Variants in LGSN observed in about 807,000 individuals in gnomAD.
LGSN encodes the protein lengsin, lens protein with glutamine synthetase domain.
In LGSN, 21 loss-of-function variants were observed where a neutral mutation model predicts 19.5. The observed-to-expected ratio is 1.07, with a 90% CI of 0.76 to 1.55. LGSN has a LOEUF of 1.55. Among genes scored for constraint, LGSN ranks in the 40% most tolerant of loss-of-function variants. LGSN has a pLI of 0.00. For synonymous variants in LGSN, 257 were observed against 215.6 expected (o/e 1.19, Z -1.68); for missense variants, 673 against 608.5 (o/e 1.11, Z -1.12).
At chr6:63,542,139 G>C in the LGSN span, among the ~76,000 whole-genome samples, 1 of 151,654 alleles carries the variant, frequency 6.6e-6, no homozygotes, top group South Asian at 2.1e-4. Context: ...GGATGACATT[G>C]GAGAATACTA....
At chr6:63,389,600 T>C in the LGSN span, among the ~76,000 whole-genome samples, 1 of 152,234 alleles carries the variant, frequency 6.6e-6, no homozygotes, top group South Asian at 2.1e-4. Context: ...TGGTCCTGTG[T>C]AGTTTCACTT....
intron 1 of LGSN, among the ~76,000 whole-genome samples, chr6:63,298,194 C>A (rs1768052984): frequency 6.6e-6 from 1 of 152,194 alleles, no homozygotes; most frequent in African/African-American, 2.4e-5. Context: ...AAGCAAGGTA[C>A]ACCAGCTCCA....
At chr6:63,515,225 G>T in the LGSN span, among the ~76,000 whole-genome samples, 2 of 36,774 alleles carry the variant, frequency 5.4e-5, no homozygotes, top group South Asian at 7.7e-4. Context: ...TTTTTTGTTT[G>T]TTTGTTTGTT....
the LGSN span, among the ~76,000 whole-genome samples, chr6:63,378,850 A>G: frequency 6.6e-6 from 1 of 152,186 alleles, no homozygotes; most frequent in African/African-American, 2.4e-5. Context: ...TCAACATGTG[A>G]TTTGGGGGAC....
the LGSN span, among the ~76,000 whole-genome samples, chr6:63,543,717 C>A: frequency 0.069 from 10,555 of 152,200 alleles, 479 homozygotes; most frequent in Non-Finnish European, 0.11. Flanking sequence ...TACTGAAAGA[C>A]CTGGGGCAAA....
the LGSN span, among the ~76,000 whole-genome samples, chr6:63,431,834 A>C: frequency 6.6e-6 from 1 of 151,782 alleles, no homozygotes; most frequent in Non-Finnish European, 1.5e-5. Flanking sequence ...TGGGAGGCTG[A>C]GGCAGGCGAA....
the LGSN span, among the ~76,000 whole-genome samples, chr6:63,485,521 G>A: frequency 2.0e-5 from 3 of 152,058 alleles, no homozygotes; most frequent in Non-Finnish European, 4.4e-5. Flanking sequence ...TTTATAATAA[G>A]CAATTTATAT....
rs1767139544 is a variant in LGSN at position 63,277,737 on chromosome 6, A to C, written c.*2284T>G. 6.6e-6 allele frequency: 1 copy of C among 152,436 alleles called. No individual in the cohort carries two copies. Among genetic ancestry groups the C allele is most frequent in the Admixed American group, 6.5e-5 (1 of 15,270 alleles). The allele number at this position is 152,436 out of a possible 1,614,324, so 9.4% of individuals were successfully genotyped here. On this transcript the variant is annotated 3_prime_UTR_variant, in exon 4 of 4. Transcript: ENST00000370657. ...GTAGGCCACTCAGCAGGAAGGGTGA[A>C]GGCAGCAAGAGAAAGAAAGGGCAGA...
the LGSN span, among the ~76,000 whole-genome samples, chr6:63,487,624 G>A: frequency 6.6e-6 from 1 of 152,158 alleles, no homozygotes; most frequent in Non-Finnish European, 1.5e-5. Context: ...GTATAATAAT[G>A]AACACAGACG....
chr6:63,350,416 A>G, the LGSN span, among the ~76,000 whole-genome samples: 2 of 152,264 alleles, frequency 1.3e-5, no homozygotes, highest in Non-Finnish European at 2.9e-5. Flanking sequence ...AGTCATAGTT[A>G]TTTGTCTGCA....
chr6:63,405,578 G>A, the LGSN span, among the ~76,000 whole-genome samples: 6 of 151,792 alleles, frequency 4.0e-5, no homozygotes, highest in African/African-American at 1.5e-4. Flanking sequence ...ATTTTTTCAT[G>A]TGTTTTTTGG....
At chr6:63,399,647 C>A in the LGSN span, among the ~76,000 whole-genome samples, 28 of 151,910 alleles carry the variant, frequency 1.8e-4, no homozygotes, top group South Asian at 5.8e-3. Flanking sequence ...CCACCCGCCT[C>A]GGCCTCCCAA....
the LGSN span, among the ~76,000 whole-genome samples, chr6:63,474,604 ATC>A: frequency 1.9e-5 from 2 of 108,038 alleles, no homozygotes; most frequent in Non-Finnish European, 4.2e-5. Flanking sequence ...GCAAGACTCC[ATC>A]TCAAAAAAAA....
At chr6:63,413,670 C>T in the LGSN span, among the ~76,000 whole-genome samples, 1 of 152,134 alleles carries the variant, frequency 6.6e-6, no homozygotes, top group African/African-American at 2.4e-5. Flanking sequence ...ATATGTATTG[C>T]ACAAAGGTTG....
the LGSN span, among the ~76,000 whole-genome samples, chr6:63,442,075 T>C: frequency 1.3e-5 from 2 of 152,340 alleles, no homozygotes; most frequent in Admixed American, 6.5e-5. Context: ...CGCAGACCTT[T>C]GCTGTGAGTG....
the LGSN span, among the ~76,000 whole-genome samples, chr6:63,397,557 T>C: frequency 2.0e-5 from 3 of 151,778 alleles, no homozygotes; most frequent in Non-Finnish European, 4.4e-5. Context: ...AAGCGGGCTA[T>C]GATTTTGACA....
At chr6:63,505,621 G>GAAATAAATAAATAAAT in the LGSN span, among the ~76,000 whole-genome samples, 11 of 97,912 alleles carry the variant, frequency 1.1e-4, 2 homozygotes, top group African/African-American at 4.0e-4. Context: ...AAGAAAGAAA[G>GAAATAAATAAATAAAT]AAAGAAAGAA....
chr6:63,428,412 C>T, the LGSN span, among the ~76,000 whole-genome samples: 2 of 152,214 alleles, frequency 1.3e-5, no homozygotes, highest in African/African-American at 4.8e-5. Context: ...AGTGCCATGG[C>T]GCGATCTTGG....
At chr6:63,424,782 C>T in the LGSN span, among the ~76,000 whole-genome samples, 127 of 152,054 alleles carry the variant, frequency 8.4e-4, no homozygotes, top group African/African-American at 2.1e-3. Flanking sequence ...CATGGTGCTG[C>T]GTGCCTGTAG....
Sources: gnomAD v4.1 joint callset for allele counts (sites outside exome capture counted in the v4.1 genomes callset) on GRCh38, gnomAD v4.1.1 for gene constraint, MANE v1.5 for transcripts, NCBI Gene and HGNC (gene_info 2026-07-23, HGNC 2026-07-21) for gene names.